Variants in ZNF410 observed in about 807,000 individuals in gnomAD.
ZNF410 encodes another partner for ARF 1.
In ZNF410, 18 loss-of-function variants were observed where a neutral mutation model predicts 54.8. That is an observed-to-expected ratio of 0.33 (90% CI 0.23 to 0.49). ZNF410 has a LOEUF of 0.49. Ranked by LOEUF, ZNF410 falls within the 20% of genes least tolerant of loss-of-function variation. The pLI, the probability that ZNF410 is intolerant of heterozygous loss-of-function variation, is 0.99. For missense variants in ZNF410, 405 were observed against 569.6 expected, an observed-to-expected ratio of 0.71 and a Z score of 2.94; for synonymous variants, 191 against 207.3, an observed-to-expected ratio of 0.92 and a Z score of 0.68.
intron 7 of ZNF410, among the ~76,000 whole-genome samples, chr14:73,907,566 T>A (rs183201160): frequency 6.9e-6 from 1 of 145,900 alleles, no homozygotes; most frequent in East Asian, 2.1e-4. Context: ...CTACACTCCA[T>A]CCTAGGAGAC....
At chr14:73,929,729 A>T (rs1294882492) in intron 11 of ZNF410, among the ~76,000 whole-genome samples, 1 of 151,906 alleles carries the variant, frequency 6.6e-6, no homozygotes, top group Non-Finnish European at 1.5e-5. Flanking sequence ...AGGTGAGAGG[A>T]TCACTTGGGC....
chr14:73,896,582 T>C (rs764926614), intron 4 of ZNF410, 48 bp downstream of exon 4: 13 of 1,459,646 alleles, frequency 8.9e-6, no homozygotes, highest in Non-Finnish European at 9.5e-7. Context: ...AGAAAAAAAT[T>C]AGGGGTGGGG....
Position 73,898,165 on chromosome 14 carries a change from C to CATT in ZNF410, c.484_486dup (p.Ile162dup), listed in dbSNP as rs2055351846. The stretch of plus-strand genomic sequence containing the variant: ...TCTCCAGTGAGAGCACAGACAGTAG[C>CATT]ATTCCATGGTTCCTCCGGGTTCAGG... On this transcript the variant is annotated inframe_insertion, in exon 5 of 12. Coordinates refer to ENST00000555044, the MANE Select transcript of ZNF410 (RefSeq NM_021188.3). 6.2e-7 allele frequency: 1 copy of CATT among 1,614,008 alleles called. No homozygotes were observed. Among genetic ancestry groups the CATT allele is most frequent in the Non-Finnish European group, 8.5e-7 (1 of 1,180,038 alleles).
chr14:73,921,413 A>G, intron 9 of ZNF410: 1 of 226,620 alleles, frequency 4.4e-6, no homozygotes. Flanking sequence ...GATGGTAACT[A>G]GTGCTGATCC....
At chr14:73,909,607 TGG>T (rs34227581) in intron 8 of ZNF410, 177 bp downstream of exon 8, 35 of 438,646 alleles carry the variant, frequency 8.0e-5, no homozygotes, top group South Asian at 6.2e-4. Flanking sequence ...TAATCAAGGT[TGG>T]GGGGGGGACA....
intron 1 of ZNF410, among the ~76,000 whole-genome samples, chr14:73,889,486 G>A (rs1261306845): frequency 2.7e-5 from 4 of 149,964 alleles, no homozygotes; most frequent in East Asian, 2.0e-4. Context: ...CCTAGGCTGA[G>A]AAAAGGAATT....
chr14:73,904,780 T>C, intron 6 of ZNF410, 122 bp from the exon 7 acceptor site: 1 of 1,105,410 alleles, frequency 9.0e-7, no homozygotes, highest in Non-Finnish European at 1.3e-6. Flanking sequence ...AGTCTTCAGT[T>C]GATTCTGATA....
intron 8 of ZNF410, among the ~76,000 whole-genome samples, chr14:73,917,604 C>G (rs762670689): frequency 2.7e-4 from 41 of 152,076 alleles, no homozygotes; most frequent in Admixed American, 6.6e-5. Flanking sequence ...GGGTGGATCA[C>G]CTGAGGTCAG....
intron 5 of ZNF410, among the ~76,000 whole-genome samples, chr14:73,902,858 C>T (rs1358538345): frequency 6.6e-6 from 1 of 152,184 alleles, no homozygotes; most frequent in African/African-American, 2.4e-5. Context: ...CTCCTCTCCT[C>T]ACCTCTCTTT....
chr14:73,926,495 G>A (rs993213364), intron 11 of ZNF410, among the ~76,000 whole-genome samples: 3 of 151,926 alleles, frequency 2.0e-5, no homozygotes, highest in African/African-American at 2.4e-5. Flanking sequence ...GTGCAGTGGC[G>A]TGATCTCGGC....
chr14:73,902,565 AG>A (rs1440572077), intron 5 of ZNF410, among the ~76,000 whole-genome samples: 1 of 152,154 alleles, frequency 6.6e-6, no homozygotes, highest in African/African-American at 2.4e-5. Flanking sequence ...ATTAACCATC[AG>A]GTTCTAGGGG....
At chr14:73,921,431 A>C (rs1473579039) in intron 9 of ZNF410, 1 of 198,544 alleles carries the variant, frequency 5.0e-6, no homozygotes, top group African/African-American at 2.3e-5. Context: ...TCCATGAACA[A>C]GCATTTGAGT....
At chr14:73,923,810 G>A (rs147346366) in intron 11 of ZNF410, among the ~76,000 whole-genome samples, 1 of 152,058 alleles carries the variant, frequency 6.6e-6, no homozygotes, top group African/African-American at 2.4e-5. Context: ...ACATGATACA[G>A]CTTTTATTTT....
chr14:73,920,824 A>G, intron 8 of ZNF410, 156 bp from the exon 9 acceptor site: 1 of 865,072 alleles, frequency 1.2e-6, no homozygotes, highest in South Asian at 1.7e-5. Flanking sequence ...GCCTTCCCCC[A>G]TATACTGAAG....
chr14:73,890,056 A>G (rs923719040), intron 1 of ZNF410, among the ~76,000 whole-genome samples: 10 of 152,098 alleles, frequency 6.6e-5, no homozygotes, highest in Admixed American at 3.3e-4. Context: ...CGGCCTCCCA[A>G]AATGCTGGGA....
intron 8 of ZNF410, chr14:73,916,832 T>C (rs566444341): frequency 8.6e-5 from 13 of 151,682 alleles, no homozygotes; most frequent in African/African-American, 3.1e-4. Flanking sequence ...AATACAAAAA[T>C]TAGCTGGGTG....
At chr14:73,920,708 G>A (rs1302097219) in intron 8 of ZNF410, 2 of 375,964 alleles carry the variant, frequency 5.3e-6, no homozygotes, top group Non-Finnish European at 9.9e-6. Flanking sequence ...GGTTGCCATG[G>A]TCCTATACCA....
chr14:73,891,149 A>G lies in ZNF410; in HGVS notation c.-149-878A>G, dbSNP rs1320402621. Among the ~76,000 whole-genome samples, 4 of 152,038 alleles carry G rather than the reference A, an allele frequency of 2.6e-5. No individual in the cohort carries two copies. In the East Asian group the frequency reaches 7.7e-4, roughly 29 times the overall value. ...TCAAAACAATATGGTTGCCTTTTAG[A>G]AATATTGGAAAATTGAGAAAAGAAA... On this transcript the variant is annotated intron_variant, in intron 1 of 11. Coordinates refer to ENST00000555044, the MANE Select transcript of ZNF410 (RefSeq NM_021188.3).
At chr14:73,923,369 T>A (rs769514380) in intron 10 of ZNF410, 26 bp from the exon 11 acceptor site, 36 of 1,606,978 alleles carry the variant, frequency 2.2e-5, no homozygotes, top group Non-Finnish European at 3.0e-5. Context: ...CACTTTTCAT[T>A]GAAACATTTT....
Sources: gnomAD v4.1 joint callset for allele counts (sites outside exome capture counted in the v4.1 genomes callset) on GRCh38, gnomAD v4.1.1 for gene constraint, MANE v1.5 for transcripts, NCBI Gene and HGNC (gene_info 2026-07-23, HGNC 2026-07-21) for gene names.